DIAPH3: variants seen among roughly 807,000 people sequenced by gnomAD.
The protein encoded by DIAPH3 is protein diaphanous homolog 3.
A neutral mutation model predicts 144.3 loss-of-function variants in DIAPH3; 117 were observed. The observed-to-expected ratio is 0.81, with a 90% CI of 0.70 to 0.95. The LOEUF is 0.95. DIAPH3 is among the 40% of genes least tolerant of loss of function. The pLI is 0.00. For missense variants in DIAPH3, 1,421 were observed against 1,412.7 expected, an observed-to-expected ratio of 1.01 and a Z score of -0.09; for synonymous variants, 519 against 488.9, an observed-to-expected ratio of 1.06 and a Z score of -0.81.
intron 27 of DIAPH3, among the ~76,000 whole-genome samples, chr13:59,745,491 TA>T (rs2036656930): frequency 6.6e-6 from 1 of 152,204 alleles, no homozygotes; most frequent in South Asian, 2.1e-4. Flanking sequence ...AAAAAATGAC[TA>T]GTGTTTGTAA....
intron 14 of DIAPH3, among the ~76,000 whole-genome samples, chr13:59,976,289 C>T (rs575111372): frequency 6.6e-6 from 1 of 152,038 alleles, no homozygotes; most frequent in Non-Finnish European, 1.5e-5. Context: ...TGCTCTCAGC[C>T]TCATCTTAGG....
intron 27 of DIAPH3, among the ~76,000 whole-genome samples, chr13:59,717,497 A>G (rs182498566): frequency 0.011 from 1,630 of 152,252 alleles, 21 homozygotes; most frequent in South Asian, 0.037. Context: ...TCCTGGTCCA[A>G]CCAAGGCCAG....
At chr13:59,726,301 A>C (rs888049206) in intron 27 of DIAPH3, among the ~76,000 whole-genome samples, 1 of 152,178 alleles carries the variant, frequency 6.6e-6, no homozygotes, top group Non-Finnish European at 1.5e-5. Flanking sequence ...ATTCTCTGGA[A>C]TGCACATACA....
chr13:59,856,598 T>TA (rs2043267537), intron 22 of DIAPH3, among the ~76,000 whole-genome samples: 1 of 152,196 alleles, frequency 6.6e-6, no homozygotes, highest in Non-Finnish European at 1.5e-5. Flanking sequence ...CCTCTTCTTA[T>TA]AAGGACACAG....
chr13:60,114,520 G>A (rs548781529), intron 2 of DIAPH3, among the ~76,000 whole-genome samples: 34 of 152,024 alleles, frequency 2.2e-4, no homozygotes, highest in African/African-American at 8.2e-4. Flanking sequence ...AAGAGAGAGT[G>A]GAAATGGTAC....
At chr13:60,026,407 A>C (rs2054375686) in intron 5 of DIAPH3, among the ~76,000 whole-genome samples, 2 of 152,194 alleles carry the variant, frequency 1.3e-5, no homozygotes, top group African/African-American at 2.4e-5. Flanking sequence ...TACCAAAAAA[A>C]ATTTTTTTAG....
At chr13:60,034,541 A>T (rs1395839612) in intron 5 of DIAPH3, 1 of 152,210 alleles carries the variant, frequency 6.6e-6, no homozygotes, top group East Asian at 1.9e-4. Flanking sequence ...ACTGTTCAGC[A>T]TGGGAGTTTA....
chr13:60,002,754 C>T (rs903445758), intron 9 of DIAPH3, among the ~76,000 whole-genome samples: 1 of 152,124 alleles, frequency 6.6e-6, no homozygotes, highest in Admixed American at 6.6e-5. Context: ...AATATCCACC[C>T]AAAATGCTCT....
chr13:59,943,377 C>T lies in DIAPH3; in HGVS notation c.2075-18507G>A, dbSNP rs555250787. On this transcript the variant is annotated intron_variant, in intron 17 of 27. Transcript: ENST00000400324. The stretch of plus-strand genomic sequence containing the variant: ...CTTCTAGACCACTGTTACTGTACCA[C>T]ACTCCATTTCCTGGGGAAGGACGAA... 6.6e-5 allele frequency among the ~76,000 whole-genome samples: 10 copies of T among 152,298 alleles called. No individual in the cohort carries two copies. In the East Asian group the frequency reaches 1.7e-3, roughly 26 times the overall value.
chr13:59,771,409 AGTG>A (rs1254603459), intron 27 of DIAPH3, among the ~76,000 whole-genome samples: 2 of 152,128 alleles, frequency 1.3e-5, no homozygotes, highest in Non-Finnish European at 2.9e-5. Context: ...ATAAATAAAA[AGTG>A]GTCATAATTA....
intron 27 of DIAPH3, among the ~76,000 whole-genome samples, chr13:59,724,354 T>C (rs1446665327): frequency 6.6e-6 from 1 of 152,210 alleles, no homozygotes; most frequent in Non-Finnish European, 1.5e-5. Flanking sequence ...TGAGACTGTC[T>C]AAAGAATTTA....
In DIAPH3 at chr13:59,958,969, G is replaced by A. The variant is rs544794193; in HGVS notation, c.2074+10975C>T. Reference sequence around the variant, plus strand: ...CGGCTCACTGCAACCTCCGCCTCCCGGGTTCAAGCGATTATCCTGCCTCAG... The same window carrying A: ...CGGCTCACTGCAACCTCCGCCTCCCAGGTTCAAGCGATTATCCTGCCTCAG... On this transcript the variant is annotated intron_variant, in intron 17 of 27. Transcript: ENST00000400324. Among the ~76,000 whole-genome samples the A allele has an allele frequency of 1.7e-4, 24 of 145,212 alleles. No individual in the cohort carries two copies. In the East Asian group the frequency reaches 2.0e-3, roughly 12 times the overall value.
chr13:59,873,909 T>A (rs934995907), intron 21 of DIAPH3, among the ~76,000 whole-genome samples: 6 of 151,990 alleles, frequency 3.9e-5, no homozygotes, highest in African/African-American at 1.4e-4. Flanking sequence ...TGACCTCAGG[T>A]GATAGGCCCG....
intron 19 of DIAPH3, among the ~76,000 whole-genome samples, chr13:59,912,855 T>C (rs1271696914): frequency 6.6e-6 from 1 of 152,082 alleles, no homozygotes; most frequent in African/African-American, 2.4e-5. Flanking sequence ...TCAAAATCAA[T>C]TAGATCAAAG....
intron 27 of DIAPH3, among the ~76,000 whole-genome samples, chr13:59,766,822 G>C (rs570402636): frequency 6.6e-6 from 1 of 151,052 alleles, no homozygotes; most frequent in South Asian, 2.1e-4. Flanking sequence ...AAGAAAAAAA[G>C]CTCCACTCCT....
chr13:59,942,720 A>G (rs931254826), intron 17 of DIAPH3, among the ~76,000 whole-genome samples: 66 of 152,148 alleles, frequency 4.3e-4, no homozygotes, highest in Admixed American at 1.1e-3. Context: ...AACAAAAAAG[A>G]TGTATACACA....
chr13:59,797,320 C>T (rs562457572), intron 25 of DIAPH3, among the ~76,000 whole-genome samples: 16 of 152,196 alleles, frequency 1.1e-4, no homozygotes, highest in Non-Finnish European at 1.9e-4. Context: ...TGCTGTACCC[C>T]TAGTGCCTAG....
chr13:59,891,648 C>T (rs112101660), intron 20 of DIAPH3, among the ~76,000 whole-genome samples: 11 of 152,020 alleles, frequency 7.2e-5, no homozygotes, highest in Admixed American at 5.9e-4. Flanking sequence ...TTTTTTACCT[C>T]GAAGTTAATC....
At position 59,832,002 on chromosome 13, in the gene DIAPH3, G is replaced by A. The variant is rs972798200; in HGVS notation, c.3027+1105C>T. Among the ~76,000 whole-genome samples the A allele has an allele frequency of 4.6e-5, 7 of 151,766 alleles. No homozygotes were observed. The South Asian group carries it at 8.3e-4, about 18-fold the overall frequency. On this transcript the variant is annotated intron_variant, in intron 24 of 27. Coordinates refer to ENST00000400324, the MANE Select transcript of DIAPH3 (RefSeq NM_001042517.2). ...AAACAAGTCTTCAGACACATAACTC[G>A]TATGAAATTCAAATCTAGCTCTCTC...
Sources: gnomAD v4.1 joint callset for allele counts (sites outside exome capture counted in the v4.1 genomes callset) on GRCh38, gnomAD v4.1.1 for gene constraint, MANE v1.5 for transcripts, NCBI Gene and HGNC (gene_info 2026-07-23, HGNC 2026-07-21) for gene names.